Variants in DLGAP1 observed in about 807,000 individuals in gnomAD.
The protein encoded by DLGAP1 is DLG associated protein 1.
DLGAP1 carries 11 observed loss-of-function variants against 90.8 expected under a neutral mutation model. That is an observed-to-expected ratio of 0.12 (90% CI 0.08 to 0.20). The LOEUF is 0.20. DLGAP1 is among the 10% of genes least tolerant of loss of function. The probability of loss-of-function intolerance (pLI) is 1.00; values close to 1 mark genes in which losing one functional copy is unlikely to be tolerated. For synonymous variants in DLGAP1, 558 were observed against 540.7 expected (o/e 1.03, Z -0.44); for missense variants, 1,050 against 1,333.8 (o/e 0.79, Z 3.31).
At chr18:4,397,680 G>A (rs1161289870) in intron 1 of DLGAP1, among the ~76,000 whole-genome samples, 1 of 151,992 alleles carries the variant, frequency 6.6e-6, no homozygotes, top group Non-Finnish European at 1.5e-5. Context: ...GGAATTATTT[G>A]AGCTGAAATA....
chr18:4,397,002 G>A (rs2082456260), intron 1 of DLGAP1, among the ~76,000 whole-genome samples: 1 of 152,144 alleles, frequency 6.6e-6, no homozygotes, highest in Admixed American at 6.5e-5. Context: ...AACAACATGG[G>A]CTCTGGAGCC....
intron 1 of DLGAP1, among the ~76,000 whole-genome samples, chr18:4,177,861 C>T (rs983424774): frequency 2.6e-5 from 4 of 152,058 alleles, no homozygotes; most frequent in African/African-American, 9.7e-5. Context: ...TTCATCCAGT[C>T]CTACCATTGA....
intron 3 of DLGAP1, among the ~76,000 whole-genome samples, chr18:3,987,147 G>T (rs1235231596): frequency 6.6e-6 from 1 of 152,078 alleles, no homozygotes; most frequent in Non-Finnish European, 1.5e-5. Flanking sequence ...TACCTCCCTA[G>T]GGTTTATTTT....
intron 10 of DLGAP1, among the ~76,000 whole-genome samples, chr18:3,522,414 G>A (rs770816561): frequency 1.2e-4 from 18 of 151,934 alleles, no homozygotes; most frequent in Non-Finnish European, 2.2e-4. Context: ...TGGGATTACA[G>A]GTGTGAGCCG....
At chr18:3,842,997 C>T (rs1227224290) in intron 4 of DLGAP1, among the ~76,000 whole-genome samples, 1 of 152,138 alleles carries the variant, frequency 6.6e-6, no homozygotes, top group Non-Finnish European at 1.5e-5. Context: ...CTGTTTGCTG[C>T]CTTCTGTCAG....
chr18:4,251,392 G>A (rs2078776435), intron 1 of DLGAP1, among the ~76,000 whole-genome samples: 1 of 152,178 alleles, frequency 6.6e-6, no homozygotes, highest in African/African-American at 2.4e-5. Context: ...GTTGCGGGCA[G>A]GCAAGGTTGG....
chr18:4,256,159 T>C (rs1305025005), intron 1 of DLGAP1, among the ~76,000 whole-genome samples: 1 of 152,190 alleles, frequency 6.6e-6, no homozygotes, highest in Non-Finnish European at 1.5e-5. Flanking sequence ...AGCAATACTA[T>C]ATAATAGAAA....
intron 5 of DLGAP1, among the ~76,000 whole-genome samples, chr18:3,790,609 A>T (rs945808781): frequency 6.6e-6 from 1 of 152,204 alleles, no homozygotes; most frequent in Non-Finnish European, 1.5e-5. Flanking sequence ...AAGTTGGATT[A>T]GGTCATGATT....
intron 4 of DLGAP1, among the ~76,000 whole-genome samples, chr18:3,847,113 A>G (rs965518324): frequency 3.9e-5 from 6 of 152,232 alleles, no homozygotes; most frequent in African/African-American, 1.4e-4. Flanking sequence ...AAGCTAGGTC[A>G]GTAAATTTCT....
rs939660604 is a variant in DLGAP1 at position 4,287,896 on chromosome 18, G to GA, written c.-266-136610dup. Reference sequence around the variant, plus strand: ...ATAAAATAATAAATAATTTTAAAAAGAAAAAAAAAGAGCGGGTACCCTGCT... The same window carrying GA: ...ATAAAATAATAAATAATTTTAAAAAGAAAAAAAAAAGAGCGGGTACCCTGCT... On this transcript the variant is annotated intron_variant, in intron 1 of 12. Transcript: ENST00000315677. Among the ~76,000 whole-genome samples the GA allele has an allele frequency of 2.9e-3, 434 of 149,524 alleles. 1 individual carries two copies. The highest frequency in any genetic ancestry group is 0.01 in the African/African-American group (419 of 40,842).
rs186146782 is a variant in DLGAP1 at position 3,811,989 on chromosome 18, T to C, written c.1172+2070A>G. On this transcript the variant is annotated intron_variant, in intron 5 of 12. Coordinates refer to ENST00000315677, the MANE Select transcript of DLGAP1 (RefSeq NM_004746.4). The stretch of plus-strand genomic sequence containing the variant: ...GCTGTGGACAAGAGCAATTCCTCTA[T>C]CTTATCACCCAAGACCCAAAGTGTC... Among the ~76,000 whole-genome samples, 312 of 152,276 alleles carry C rather than the reference T, an allele frequency of 2.0e-3. 4 individuals are homozygous for C. The highest frequency in any genetic ancestry group is 0.01 in the Middle Eastern group (3 of 294).
intron 1 of DLGAP1, among the ~76,000 whole-genome samples, chr18:4,436,521 C>T (rs2083401793): frequency 6.6e-6 from 1 of 151,886 alleles, no homozygotes; most frequent in African/African-American, 2.4e-5. Context: ...GGTTCTTATC[C>T]CTAAATGGAC....
chr18:4,341,834 G>T (rs2081195290), intron 1 of DLGAP1, among the ~76,000 whole-genome samples: 1 of 152,044 alleles, frequency 6.6e-6, no homozygotes, highest in South Asian at 2.1e-4. Context: ...AAGAGTCTTT[G>T]AAAGAATAGT....
chr18:3,547,024 G>C (rs940668550), intron 9 of DLGAP1, among the ~76,000 whole-genome samples: 1 of 151,984 alleles, frequency 6.6e-6, no homozygotes, highest in African/African-American at 2.4e-5. Flanking sequence ...AATGAGAGCC[G>C]GGCGCGGTGG....
chr18:3,670,760 A>G (rs1044193525), intron 7 of DLGAP1, among the ~76,000 whole-genome samples: 23 of 152,346 alleles, frequency 1.5e-4, no homozygotes, highest in Admixed American at 2.6e-4. Flanking sequence ...TGTATTAACC[A>G]TATCCTGAAA....
intron 3 of DLGAP1, among the ~76,000 whole-genome samples, chr18:3,897,965 T>C (rs897387272): frequency 6.6e-6 from 1 of 151,610 alleles, no homozygotes; most frequent in East Asian, 1.9e-4. Flanking sequence ...CGGCTAATTT[T>C]TTGTATTTTT....
chr18:3,860,458 G>A (rs2148733358), intron 4 of DLGAP1, among the ~76,000 whole-genome samples: 1 of 152,276 alleles, frequency 6.6e-6, no homozygotes, highest in Admixed American at 6.5e-5. Flanking sequence ...CATTACAGAG[G>A]AGGAGACCAT....
intron 8 of DLGAP1, chr18:3,580,797 C>T (rs1020295662): frequency 1.9e-6 from 3 of 1,589,968 alleles, no homozygotes; most frequent in African/African-American, 2.7e-5. Flanking sequence ...GGGGTGGTGC[C>T]GAAGCGTCTT....
chr18:3,528,681 C>G (rs1251001488), intron 10 of DLGAP1, among the ~76,000 whole-genome samples: 1 of 152,178 alleles, frequency 6.6e-6, no homozygotes, highest in Non-Finnish European at 1.5e-5. Flanking sequence ...CTTTCATGCA[C>G]TGATATTTTC....
Sources: gnomAD v4.1 joint callset for allele counts (sites outside exome capture counted in the v4.1 genomes callset) on GRCh38, gnomAD v4.1.1 for gene constraint, MANE v1.5 for transcripts, NCBI Gene and HGNC (gene_info 2026-07-23, HGNC 2026-07-21) for gene names.